The following OR1J2 variants were observed in gnomAD, a reference collection of about 807,000 sequenced individuals.
OR1J2 encodes olfactory receptor family 1 subfamily J member 2.
For missense variants in OR1J2, 304 were observed against 246.1 expected (o/e 1.24, Z -1.57); for synonymous variants, 142 against 99.7 (o/e 1.42, Z -2.52).
chr9:122,538,075 T>A, the OR1J2 span, among the ~76,000 whole-genome samples: 5 of 152,170 alleles, frequency 3.3e-5, no homozygotes, highest in African/African-American at 1.2e-4. Context: ...GGCATGTCTA[T>A]GCAAGTCACC....
the OR1J2 span, among the ~76,000 whole-genome samples, chr9:122,530,232 C>G: frequency 3.9e-5 from 6 of 152,130 alleles, no homozygotes; most frequent in African/African-American, 1.4e-4. Context: ...CAGAAAAAAT[C>G]AGAAGGAGGA....
chr9:122,527,601 GCTGT>G, the OR1J2 span, among the ~76,000 whole-genome samples: 86 of 152,146 alleles, frequency 5.7e-4, no homozygotes, highest in Non-Finnish European at 8.8e-4. Flanking sequence ...TTTGCAGTAG[GCTGT>G]CTATGTGAGT....
the OR1J2 span, among the ~76,000 whole-genome samples, chr9:122,504,408 GA>G: frequency 6.6e-6 from 1 of 152,196 alleles, no homozygotes; most frequent in Non-Finnish European, 1.5e-5. Context: ...ACCAGCTGCA[GA>G]ATCTTATCTT....
chr9:122,538,733 A>G, the OR1J2 span, among the ~76,000 whole-genome samples: 1 of 152,246 alleles, frequency 6.6e-6, no homozygotes, highest in South Asian at 2.1e-4. Context: ...GAATGAAATC[A>G]TGTCCTTTGC....
At chr9:122,540,491 C>T in the OR1J2 span, among the ~76,000 whole-genome samples, 1 of 151,982 alleles carries the variant, frequency 6.6e-6, no homozygotes, top group East Asian at 1.9e-4. Flanking sequence ...GTTTTGGTAC[C>T]AGTACCATGC....
At chr9:122,524,131 A>T in the OR1J2 span, among the ~76,000 whole-genome samples, 1 of 152,234 alleles carries the variant, frequency 6.6e-6, no homozygotes, top group Non-Finnish European at 1.5e-5. Context: ...TTTCAAGCTC[A>T]TAATGGAACT....
chr9:122,458,105 A>T, the OR1J2 span, among the ~76,000 whole-genome samples: 1 of 151,790 alleles, frequency 6.6e-6, no homozygotes, highest in African/African-American at 2.4e-5. Context: ...TTGTTTTAGG[A>T]TAGGTGTGTT....
the OR1J2 span, among the ~76,000 whole-genome samples, chr9:122,552,079 T>TCTCTCTCTCACACACA: frequency 2.8e-5 from 4 of 142,100 alleles, no homozygotes; most frequent in African/African-American, 1.1e-4. Flanking sequence ...TCTCTCTCTC[T>TCTCTCTCTCACACACA]CACACACACA....
At chr9:122,567,355 A>C in the OR1J2 span, 4 of 455,516 alleles carry the variant, frequency 8.8e-6, no homozygotes. Context: ...CACAGACAGG[A>C]AACGATTGTG....
chr9:122,454,475 G>A, the OR1J2 span, among the ~76,000 whole-genome samples: 1 of 152,012 alleles, frequency 6.6e-6, no homozygotes, highest in African/African-American at 2.4e-5. Context: ...CTGAGATCAT[G>A]CCACTGCACT....
At chr9:122,486,852 A>G in the OR1J2 span, among the ~76,000 whole-genome samples, 4 of 152,256 alleles carry the variant, frequency 2.6e-5, no homozygotes, top group East Asian at 7.7e-4. Flanking sequence ...TTGATGGAAA[A>G]GACATCTGGA....
the OR1J2 span, among the ~76,000 whole-genome samples, chr9:122,548,544 T>C: frequency 6.6e-6 from 1 of 151,972 alleles, no homozygotes; most frequent in South Asian, 2.1e-4. Context: ...ATGTTTTCTT[T>C]TGAAAAATGT....
In OR1J2 at chr9:122,511,101, G is replaced by T; in HGVS notation, c.300G>T (p.Gln100His). 1 of 1,073,482 alleles carries T rather than the reference G, an allele frequency of 9.3e-7. No homozygotes were observed. Among genetic ancestry groups the T allele is most frequent in the Non-Finnish European group, 1.4e-6 (1 of 718,736 alleles). 66.5% of individuals were successfully genotyped at this position (1,073,482 alleles called of 1,614,324 possible). Residue 100 changes from glutamine to histidine, a missense_variant, in exon 1 of 1, where the codon CAG becomes CAT. Coordinates refer to ENST00000335302, the MANE Select transcript of OR1J2 (RefSeq NM_054107.1). ...KSILYEECIS[Q>H]MYFFIFFTDL... ...TCCTCTATGAGGAATGCATTTCTCA[G>T]ATGTATTTTTTTATATTTTTTACTG...
chr9:122,542,225 C>A, the OR1J2 span, among the ~76,000 whole-genome samples: 1 of 152,224 alleles, frequency 6.6e-6, no homozygotes, highest in East Asian at 1.9e-4. Context: ...TTATTCAATT[C>A]TCTGTTGAAT....
the OR1J2 span, among the ~76,000 whole-genome samples, chr9:122,498,058 G>T: frequency 7.9e-6 from 1 of 125,860 alleles, no homozygotes. Flanking sequence ...GGCATGATTT[G>T]GGTTTTTTTT....
chr9:122,490,089 T>C, the OR1J2 span, among the ~76,000 whole-genome samples: 1 of 152,236 alleles, frequency 6.6e-6, no homozygotes, highest in Non-Finnish European at 1.5e-5. Flanking sequence ...AGTGCTACTA[T>C]CATTAAGAGC....
the OR1J2 span, among the ~76,000 whole-genome samples, chr9:122,491,368 T>C: frequency 5.3e-5 from 8 of 151,082 alleles, no homozygotes; most frequent in South Asian, 4.2e-4. Context: ...GAGGATGAGA[T>C]TGCCTGAAAA....
the OR1J2 span, among the ~76,000 whole-genome samples, chr9:122,495,534 A>T: frequency 6.6e-6 from 1 of 151,638 alleles, no homozygotes; most frequent in East Asian, 1.9e-4. Context: ...GATTTCCAGA[A>T]GTTTTTTTTT....
At chr9:122,551,146 A>G in the OR1J2 span, among the ~76,000 whole-genome samples, 3,071 of 152,320 alleles carry the variant, frequency 0.02, 50 homozygotes, top group South Asian at 0.06. Context: ...CAAGACCTCA[A>G]TCCCATTTAC....
Sources: allele counts gnomAD v4.1 joint callset (sites outside exome capture counted in the v4.1 genomes callset), GRCh38; gene constraint gnomAD v4.1.1; transcripts MANE v1.5; gene names NCBI Gene and HGNC (gene_info 2026-07-23, HGNC 2026-07-21).